COL13A1: variants seen among roughly 807,000 people sequenced by gnomAD.
COL13A1 encodes the protein collagen type XIII alpha 1 chain.
A neutral mutation model predicts 130.9 loss-of-function variants in COL13A1; 89 were observed. The observed-to-expected ratio is 0.68, with a 90% CI of 0.57 to 0.81. COL13A1 has a LOEUF of 0.81. COL13A1 is among the 30% of genes least tolerant of loss of function. The pLI is 0.00. For synonymous variants in COL13A1, 402 were observed against 341.6 expected, an observed-to-expected ratio of 1.18 and a Z score of -1.95; for missense variants, 879 against 934.6, an observed-to-expected ratio of 0.94 and a Z score of 0.78.
chr10:69,897,204 C>T (rs1470184175), intron 13 of COL13A1, among the ~76,000 whole-genome samples: 4 of 152,154 alleles, frequency 2.6e-5, no homozygotes, highest in Non-Finnish European at 4.4e-5. Context: ...GGGATTCCAG[C>T]TGAGGGGCAG....
intron 34 of COL13A1, among the ~76,000 whole-genome samples, chr10:69,939,193 T>G (rs913820279): frequency 3.3e-5 from 5 of 151,744 alleles, no homozygotes; most frequent in Non-Finnish European, 4.4e-5. Context: ...CACTAGGGAG[T>G]GGAGGGGACT....
chr10:69,819,263 G>A (rs1845417405), intron 1 of COL13A1, among the ~76,000 whole-genome samples: 1 of 152,224 alleles, frequency 6.6e-6, no homozygotes, highest in Non-Finnish European at 1.5e-5. Flanking sequence ...CTGTTGCACG[G>A]GTCAGTGATG....
In COL13A1 at chr10:69,829,997, G is replaced by C. The variant is rs187751720; in HGVS notation, c.364+7559G>C. ...CCGCTCTGATAACACTGGGGTGGTC[G>C]GCTGAGATTTGTAGGGAAATAAAAA... On this transcript the variant is annotated intron_variant, in intron 2 of 40. Transcript: ENST00000645393. Among the ~76,000 whole-genome samples the C allele has an allele frequency of 5.3e-5, 8 of 152,292 alleles. No individual in the cohort carries two copies. In the East Asian group the frequency reaches 1.5e-3, roughly 29 times the overall value.
At chr10:69,823,377 A>C (rs1317571942) in intron 2 of COL13A1, among the ~76,000 whole-genome samples, 1 of 152,214 alleles carries the variant, frequency 6.6e-6, no homozygotes, top group Non-Finnish European at 1.5e-5. Flanking sequence ...GTGGGGAAGG[A>C]AGGCCTAAAG....
At chr10:69,948,503 G>A (rs1418641867) in intron 38 of COL13A1, among the ~76,000 whole-genome samples, 1 of 152,124 alleles carries the variant, frequency 6.6e-6, no homozygotes, top group Non-Finnish European at 1.5e-5. Context: ...GGAAACTGCC[G>A]GAATAAACAG....
At chr10:69,925,546 T>G (rs1406025147) in intron 25 of COL13A1, among the ~76,000 whole-genome samples, 3 of 151,810 alleles carry the variant, frequency 2.0e-5, no homozygotes, top group East Asian at 1.9e-4. Context: ...AGGTGGGAGG[T>G]CTGACTGGCA....
chr10:69,947,433 G>C, intron 38 of COL13A1, 91 bp downstream of exon 38: 1 of 1,272,284 alleles, frequency 7.9e-7, no homozygotes, highest in African/African-American at 1.5e-5. Flanking sequence ...CCAACATGGC[G>C]AACAGTTTTT....
rs915105031 is a variant in COL13A1 at position 69,919,650 on chromosome 10, C to T, written c.1027-15C>T. 2.5e-6 allele frequency: 1 copy of T among 398,770 alleles called. No homozygotes were observed. The highest frequency in any genetic ancestry group is 2.1e-5 in the African/African-American group (1 of 48,648). 24.7% of individuals were successfully genotyped at this position (398,770 alleles called of 1,614,324 possible). A position where few individuals can be genotyped will look rare whatever the true frequency, so the allele number is the denominator to read the frequency against. On this transcript the variant is annotated splice_polypyrimidine_tract_variant and intron_variant, in intron 20 of 40. Coordinates refer to ENST00000645393, the MANE Select transcript of COL13A1 (RefSeq NM_001368882.1). Reference sequence around the variant, plus strand: ...CCCATCTTCTTATCAGTGACTTTCTCTTCTTACCCCAAAGGGAGACCCAGG... The same window carrying T: ...CCCATCTTCTTATCAGTGACTTTCTTTTCTTACCCCAAAGGGAGACCCAGG...
chr10:69,955,717 A>G (rs1358311564), intron 39 of COL13A1: 1 of 152,234 alleles, frequency 6.6e-6, no homozygotes, highest in Non-Finnish European at 1.5e-5. Flanking sequence ...CCCAACCCAG[A>G]GGGGAAAATG....
chr10:69,816,783 A>G (rs954710270), intron 1 of COL13A1, among the ~76,000 whole-genome samples: 4 of 152,098 alleles, frequency 2.6e-5, no homozygotes, highest in African/African-American at 7.2e-5. Context: ...TGCCCACCAG[A>G]TTTGGCAACC....
At chr10:69,864,922 AG>A (rs1322783365) in intron 2 of COL13A1, among the ~76,000 whole-genome samples, 3 of 152,122 alleles carry the variant, frequency 2.0e-5, no homozygotes, top group Non-Finnish European at 2.9e-5. Context: ...AGCCCACCTG[AG>A]GGGGCTGGGA....
rs554062224 is a variant in COL13A1, at chr10:69,868,431, G to T, written c.372+626G>T. Among the ~76,000 whole-genome samples the T allele has an allele frequency of 4.2e-4, 64 of 152,324 alleles. No individual in the cohort carries two copies. In the South Asian group the frequency reaches 0.013, roughly 32 times the overall value. ...GCCTTGCTAGGAAGCCCAGGGTGGG[G>T]CAGGGAGTGGAGCCACTTCCAGAGA... On this transcript the variant is annotated intron_variant, in intron 3 of 40. Coordinates refer to ENST00000645393, the MANE Select transcript of COL13A1 (RefSeq NM_001368882.1).
chr10:69,862,625 C>T (rs1035348661), intron 2 of COL13A1, among the ~76,000 whole-genome samples: 1 of 152,210 alleles, frequency 6.6e-6, no homozygotes, highest in African/African-American at 2.4e-5. Context: ...TCATGTTTCC[C>T]TTCTTCACTG....
At chr10:69,827,848 G>A (rs1376967698) in intron 2 of COL13A1, among the ~76,000 whole-genome samples, 1 of 152,160 alleles carries the variant, frequency 6.6e-6, no homozygotes, top group African/African-American at 2.4e-5. Flanking sequence ...TGTAGCCAGA[G>A]CTTTGGTCAC....
intron 2 of COL13A1, among the ~76,000 whole-genome samples, chr10:69,838,627 T>C (rs1389986586): frequency 2.0e-5 from 3 of 152,212 alleles, no homozygotes; most frequent in Non-Finnish European, 4.4e-5. Flanking sequence ...CACCACTACC[T>C]TGGGGACCGG....
intron 2 of COL13A1, among the ~76,000 whole-genome samples, chr10:69,834,308 A>G (rs1187592968): frequency 6.6e-6 from 1 of 152,158 alleles, no homozygotes; most frequent in African/African-American, 2.4e-5. Context: ...GTCCAGATCT[A>G]TGGCCCAGTG....
chr10:69,811,674 G>A (rs1843086296), intron 1 of COL13A1, among the ~76,000 whole-genome samples: 1 of 152,078 alleles, frequency 6.6e-6, no homozygotes, highest in South Asian at 2.1e-4. Flanking sequence ...CAGCAGCCTT[G>A]GTCCTCAAGC....
chr10:69,803,082 C>A (rs1459033535), intron 1 of COL13A1, among the ~76,000 whole-genome samples: 3 of 152,302 alleles, frequency 2.0e-5, no homozygotes, highest in African/African-American at 4.8e-5. Flanking sequence ...AGCCGCCCCG[C>A]GCCCGCGCAG....
chr10:69,817,749 GAC>G (rs575294329), intron 1 of COL13A1, among the ~76,000 whole-genome samples: 207 of 152,034 alleles, frequency 1.4e-3, no homozygotes, highest in Non-Finnish European at 2.6e-3. Context: ...GGAGGGAAGT[GAC>G]ACATGGTAGT....
Sources: allele counts gnomAD v4.1 joint callset (sites outside exome capture counted in the v4.1 genomes callset), GRCh38; gene constraint gnomAD v4.1.1; transcripts MANE v1.5; gene names NCBI Gene and HGNC (gene_info 2026-07-23, HGNC 2026-07-21).